SSH1: variants seen among roughly 807,000 people sequenced by gnomAD.
SSH1 encodes the protein slingshot protein phosphatase 1.
Under a neutral mutation model 79.7 loss-of-function variants are expected in SSH1, and 43 were observed. That is an observed-to-expected ratio of 0.54 (90% confidence interval 0.42 to 0.70). The LOEUF is 0.70. SSH1 is among the 30% of genes least tolerant of loss of function. SSH1 has a pLI of 0.00. For missense variants in SSH1, 1,206 were observed against 1,358.8 expected (o/e 0.89, Z 1.77); for synonymous variants, 599 against 538.3 (o/e 1.11, Z -1.56).
At chr12:108,831,445 G>A (rs2038471644) in intron 2 of SSH1, among the ~76,000 whole-genome samples, 1 of 152,204 alleles carries the variant, frequency 6.6e-6, no homozygotes, top group South Asian at 2.1e-4. Context: ...TAAGGCCTGA[G>A]AATTTAGAAG....
intron 10 of SSH1, among the ~76,000 whole-genome samples, chr12:108,804,333 C>T (rs1470425072): frequency 3.3e-5 from 5 of 152,258 alleles, no homozygotes; most frequent in African/African-American, 2.4e-5. Flanking sequence ...GTGGGAATCC[C>T]GGCCCTGGTG....
intron 13 of SSH1, among the ~76,000 whole-genome samples, chr12:108,795,754 G>A (rs1364473637): frequency 1.3e-5 from 2 of 151,982 alleles, no homozygotes; most frequent in African/African-American, 2.4e-5. Context: ...CAGCTGTTTG[G>A]GGGGCTGAGG....
At position 108,827,135 on chromosome 12, in the gene SSH1, T is replaced by C. The variant is rs137999866; in HGVS notation, c.111-3774A>G. 1,980 of 846,244 alleles carry C rather than the reference T, an allele frequency of 2.3e-3. 34 individuals are homozygous for C. In the African/African-American group the frequency reaches 0.032, roughly 14 times the overall value. The allele number at this position is 846,244 out of a possible 1,614,324, so 52.4% of individuals were successfully genotyped here. On this transcript the variant is annotated intron_variant, in intron 2 of 14. Transcript: ENST00000326495. ...ATAAGATTAAAGTTTCTCCAAAGCA[T>C]TGAAGACAGACAAAAAACCTCAATC... is the stretch of plus-strand genomic sequence containing the variant.
At chr12:108,813,682 TGG>T (rs1565994036) in intron 5 of SSH1, among the ~76,000 whole-genome samples, 17 of 128,422 alleles carry the variant, frequency 1.3e-4, no homozygotes, top group African/African-American at 4.8e-4. Flanking sequence ...CACTCCAGCC[TGG>T]GTGACAGAGC....
At chr12:108,833,153 CTTT>C (rs763525533) in intron 2 of SSH1, among the ~76,000 whole-genome samples, 2 of 143,656 alleles carry the variant, frequency 1.4e-5, no homozygotes, top group Admixed American at 7.0e-5. Context: ...CAAAAGCAAG[CTTT>C]TTTTTTTTTT....
rs142995244 is a variant in SSH1, at chr12:108,788,540, G to A, written c.2598C>T (p.His866=). The change falls in exon 15 of 15, where the codon CAC becomes CAT. Residue 866 remains histidine (H), a synonymous_variant. Coordinates refer to ENST00000326495, the MANE Select transcript of SSH1 (RefSeq NM_018984.4). ...PEESQDPAAL[H]ELGPLVMPSQ... is the part of the protein sequence containing the mutation. ...TGGGCATAACCAGGGGGCCCAGCTC[G>A]TGGAGCGCGGCTGGATCCTGGCTCT... 2.4e-5 allele frequency: 37 copies of A among 1,572,848 alleles called. No individual in the cohort carries two copies. Among genetic ancestry groups the A allele is most frequent in the Non-Finnish European group, 2.9e-5 (34 of 1,159,216 alleles).
intron 14 of SSH1, among the ~76,000 whole-genome samples, chr12:108,790,965 C>A (rs1317712237): frequency 2.0e-5 from 3 of 152,192 alleles, no homozygotes; most frequent in Non-Finnish European, 4.4e-5. Flanking sequence ...CTGGAATTAA[C>A]CAATTTCTCA....
intron 13 of SSH1, among the ~76,000 whole-genome samples, chr12:108,794,998 A>G (rs922158365): frequency 1.3e-5 from 2 of 152,168 alleles, no homozygotes; most frequent in African/African-American, 4.8e-5. Context: ...AGCCAGATGA[A>G]GGCATACATG....
At chr12:108,849,278 T>C (rs1593132861) in intron 2 of SSH1, among the ~76,000 whole-genome samples, 1 of 152,170 alleles carries the variant, frequency 6.6e-6, no homozygotes, top group African/African-American at 2.4e-5. Context: ...CCAGGTGCAG[T>C]GACTGTCATC....
intron 2 of SSH1, among the ~76,000 whole-genome samples, chr12:108,842,495 G>GAGCCTGC (rs2038801821): frequency 6.6e-6 from 1 of 152,236 alleles, no homozygotes; most frequent in Admixed American, 6.5e-5. Flanking sequence ...TCCAAGCCCA[G>GAGCCTGC]AGCCTGCAGC....
intron 13 of SSH1, among the ~76,000 whole-genome samples, chr12:108,793,877 A>T (rs2036624126): frequency 6.6e-6 from 1 of 152,224 alleles, no homozygotes; most frequent in South Asian, 2.1e-4. Flanking sequence ...CTCGGTGTGC[A>T]CATCCCAGCC....
intron 3 of SSH1, 80 bp downstream of exon 3, chr12:108,823,178 C>A: frequency 7.2e-7 from 1 of 1,385,092 alleles, no homozygotes; most frequent in Middle Eastern, 2.0e-4. Flanking sequence ...TCAAACTCAG[C>A]AACATCACCA....
At chr12:108,792,909 G>A in intron 13 of SSH1, 80 bp from the exon 14 acceptor site, 1 of 1,575,228 alleles carries the variant, frequency 6.3e-7, no homozygotes, top group Admixed American at 1.7e-5. Context: ...CGGTGAGCCA[G>A]TGAGGGGCTG....
Position 108,789,201 on chromosome 12 carries a change from T to C in SSH1, c.1937A>G (p.Tyr646Cys). 3.1e-6 allele frequency: 5 copies of C among 1,606,516 alleles called. No individual in the cohort carries two copies. The highest frequency in any genetic ancestry group is 4.3e-6 in the Non-Finnish European group (5 of 1,176,300). Residue 646 changes from tyrosine (Y) to cysteine (C), a missense_variant, in exon 15 of 15, where the codon TAT becomes TGT. By Grantham distance (194) the Tyr-to-Cys change is radical. Coordinates refer to ENST00000326495, the MANE Select transcript of SSH1 (RefSeq NM_018984.4). ...GTACATGCAGTCGGCACAGGATTTA[T>C]AGGAAGGCTTCACTTTGTTAAGGAT... Reference protein sequence around the residue: ...FGILNKVKPSYKSCADCMYPT... With the variant: ...FGILNKVKPSCKSCADCMYPT...
chr12:108,807,636 T>G lies in SSH1; in HGVS notation c.728A>C (p.Asp243Ala), dbSNP rs1449695862. 1 of 1,612,422 alleles carries G rather than the reference T, an allele frequency of 6.2e-7. No homozygotes were observed. The highest frequency in any genetic ancestry group is 8.5e-7 in the Non-Finnish European group (1 of 1,179,052). ...TRPDSPALFV[D>A]KPTEGERTER... ...ACACCAGAGGCACCTCACTTACTTG[T>G]CCACAAATAGCGCGGGGGAGTCGGG... is the stretch of plus-strand genomic sequence containing the variant. Residue 243 changes from aspartate (D) to alanine (A), a missense_variant, in exon 8 of 15, where the codon GAC becomes GCC. This residue lies in a region of SSH1 where 116 missense variants were observed against 109.0 expected (regional missense o/e 1.06). Coordinates refer to ENST00000326495, the MANE Select transcript of SSH1 (RefSeq NM_018984.4). The surrounding 1 kb of genome is among the most constrained non-coding windows in gnomAD (Gnocchi z 5.2).
rs750532845 is a variant in SSH1 at position 108,787,974 on chromosome 12, C to T, written c.*14G>A. 2.7e-5 allele frequency: 43 copies of T among 1,614,138 alleles called. No homozygotes were observed. The South Asian group carries it at 4.7e-4, about 18-fold the overall frequency. ...ATGAAAATATCCGCCCAGCCTGACG[C>T]AGCAAAAGGCGGGTCAGCTTTTGCT... is the stretch of plus-strand genomic sequence containing the variant. On this transcript the variant is annotated 3_prime_UTR_variant, in exon 15 of 15. Transcript: ENST00000326495.
chr12:108,829,817 G>C (rs980181029), intron 2 of SSH1, among the ~76,000 whole-genome samples: 1 of 152,124 alleles, frequency 6.6e-6, no homozygotes, highest in Non-Finnish European at 1.5e-5. Context: ...AAAAGTTCCA[G>C]GGAGCTGGGC....
chr12:108,789,455 A>G (rs1211372999), intron 14 of SSH1, among the ~76,000 whole-genome samples: 4 of 152,140 alleles, frequency 2.6e-5, no homozygotes. Context: ...TTATACCCCA[A>G]TAGAAAACAA....
At chr12:108,805,265 A>G (rs2037216318) in intron 9 of SSH1, 81 bp from the exon 10 acceptor site, 1 of 1,518,752 alleles carries the variant, frequency 6.6e-7, no homozygotes, top group South Asian at 1.1e-5. Context: ...GTTACAATGG[A>G]AACTGTGCCT....
Sources: allele counts gnomAD v4.1 joint callset (sites outside exome capture counted in the v4.1 genomes callset), GRCh38; gene constraint gnomAD v4.1.1; regional missense constraint gnomAD v4.1.1; non-coding constraint Gnocchi (gnomAD v3.1); transcripts MANE v1.5; gene names NCBI Gene and HGNC (gene_info 2026-07-23, HGNC 2026-07-21).